Variants in CLIC5 observed in about 807,000 individuals in gnomAD.
The protein encoded by CLIC5 is chloride intracellular channel protein 5.
A neutral mutation model predicts 24.7 loss-of-function variants in CLIC5; 20 were observed. The ratio of observed to expected loss-of-function variants is 0.81; its 90% CI spans 0.57 to 1.18. CLIC5 has a LOEUF of 1.18. Ranked by LOEUF, CLIC5 falls within the 50% of genes most tolerant of loss-of-function variation. CLIC5 has a pLI of 0.00. For missense variants in CLIC5, 341 were observed against 326.1 expected, an observed-to-expected ratio of 1.05 and a Z score of -0.35; for synonymous variants, 159 against 135.6, an observed-to-expected ratio of 1.17 and a Z score of -1.20.
the CLIC5 span, among the ~76,000 whole-genome samples, chr6:46,101,720 C>T: frequency 6.6e-6 from 1 of 152,180 alleles, no homozygotes; most frequent in African/African-American, 2.4e-5. Context: ...GGAGTGACTG[C>T]ATTTTGGTTT....
chr6:45,975,360 C>G (rs527792882), intron 1 of CLIC5, among the ~76,000 whole-genome samples: 1 of 152,266 alleles, frequency 6.6e-6, no homozygotes, highest in East Asian at 1.9e-4. Context: ...ACTTAGGTGC[C>G]AAGGAGTAAC....
At chr6:46,015,384 C>G in intron 1 of CLIC5, 96 bp downstream of exon 1, 16 of 1,293,138 alleles carry the variant, frequency 1.2e-5, no homozygotes, top group Non-Finnish European at 1.6e-5. Flanking sequence ...GCGCCGCCCT[C>G]CTGGGAGGGT....
At chr6:45,986,310 A>G (rs760925051) in intron 1 of CLIC5, among the ~76,000 whole-genome samples, 17 of 152,162 alleles carry the variant, frequency 1.1e-4, no homozygotes, top group Non-Finnish European at 1.9e-4. Flanking sequence ...AATCCTTGGT[A>G]CCATTGAATA....
intron 4 of CLIC5, 46 bp downstream of exon 4, chr6:45,941,501 C>A (rs1561951003): frequency 7.1e-7 from 1 of 1,403,110 alleles, no homozygotes; most frequent in Admixed American, 1.7e-5. Context: ...CCTTGGGCAG[C>A]AGATAGACCA....
intron 1 of CLIC5, among the ~76,000 whole-genome samples, chr6:45,956,144 T>A (rs1486372027): frequency 1.3e-5 from 2 of 152,218 alleles, no homozygotes; most frequent in Admixed American, 1.3e-4. Context: ...CCATCTTTAC[T>A]GCACTTCTGA....
Position 45,948,400 on chromosome 6 carries a change from G to C in CLIC5, c.299+856C>G, listed in dbSNP as rs559884183. Among the ~76,000 whole-genome samples the C allele has an allele frequency of 7.9e-5, 12 of 152,180 alleles. No homozygotes were observed. The East Asian group carries it at 2.3e-3, about 29-fold the overall frequency. ...CTATCTCCAGCTTCATGGTCCTCTA[G>C]GATACCGACTTCCCTCAACCTCTAA... is the stretch of plus-strand genomic sequence containing the variant. On this transcript the variant is annotated intron_variant, in intron 3 of 5. Coordinates refer to ENST00000339561, the MANE Select transcript of CLIC5 (RefSeq NM_016929.5).
At chr6:45,907,703 A>G (rs2127299043) in intron 5 of CLIC5, among the ~76,000 whole-genome samples, 1 of 152,204 alleles carries the variant, frequency 6.6e-6, no homozygotes, top group Non-Finnish European at 1.5e-5. Flanking sequence ...TCAATTTCAT[A>G]ACTCAATTAG....
chr6:45,934,036 G>A (rs1210059815), intron 4 of CLIC5, among the ~76,000 whole-genome samples: 1 of 152,184 alleles, frequency 6.6e-6, no homozygotes, highest in Non-Finnish European at 1.5e-5. Flanking sequence ...CGTGCCTGCG[G>A]CTCACAGCAG....
Position 45,963,571 on chromosome 6 carries a change from AC to A in CLIC5, c.64-8328del, listed in dbSNP as rs35004132. Among the ~76,000 whole-genome samples, 12 of 152,036 alleles carry A rather than the reference AC, an allele frequency of 7.9e-5. No homozygotes were observed. In the East Asian group the frequency reaches 1.6e-3, roughly 20 times the overall value. On this transcript the variant is annotated intron_variant, in intron 1 of 5. Coordinates refer to ENST00000339561, the MANE Select transcript of CLIC5 (RefSeq NM_016929.5). ...ATGCTTGGTGCTCTTTGGAGAACTT[AC>A]CTTGAGAACATGACTGTCCTTCCCA...
At chr6:46,005,244 T>C (rs1766508549) in intron 1 of CLIC5, among the ~76,000 whole-genome samples, 1 of 152,254 alleles carries the variant, frequency 6.6e-6, no homozygotes, top group African/African-American at 2.4e-5. Flanking sequence ...CTTCCCCTTT[T>C]GTGTTATTTC....
chr6:45,955,184 G>A lies in CLIC5; in HGVS notation c.124C>T (p.Leu42Phe). ...TTGAACACGACTCCTTTCAGCCAGA[G>A]GATCATGAAGAGGCGCTGAGAGAAA... ...CPFSQRLFMI[L>F]WLKGVVFNVT... Residue 42 changes from leucine (L) to phenylalanine (F), a missense_variant, in exon 2 of 6, where the codon CTC becomes TTC. Transcript: ENST00000339561. 1 of 1,614,070 alleles carries A rather than the reference G, an allele frequency of 6.2e-7. No individual in the cohort carries two copies. The highest frequency in any genetic ancestry group is 8.5e-7 in the Non-Finnish European group (1 of 1,179,932).
chr6:46,082,473 A>G (rs1762945254), upstream of CLIC5, among the ~76,000 whole-genome samples: 1 of 152,212 alleles, frequency 6.6e-6, no homozygotes, highest in African/African-American at 2.4e-5. Flanking sequence ...AAGTCCTTAC[A>G]ACGGCCCACA....
intron 4 of CLIC5, among the ~76,000 whole-genome samples, chr6:45,935,025 A>C (rs186833153): frequency 7.3e-4 from 111 of 152,370 alleles, no homozygotes; most frequent in Admixed American, 1.5e-3. Flanking sequence ...TGGAAAATAA[A>C]GTGAAATATA....
At chr6:46,008,282 G>T (rs1285906024) in intron 1 of CLIC5, among the ~76,000 whole-genome samples, 1 of 152,092 alleles carries the variant, frequency 6.6e-6, no homozygotes, top group African/African-American at 2.4e-5. Context: ...CATAAGCCCT[G>T]AGCATCCCCA....
chr6:46,097,013 T>C, the CLIC5 span: 1 of 152,370 alleles, frequency 6.6e-6, no homozygotes, highest in Non-Finnish European at 1.5e-5. Flanking sequence ...TACATAGGTC[T>C]ATGCATTTGT....
chr6:45,925,043 A>G (rs1180091689), intron 4 of CLIC5, among the ~76,000 whole-genome samples: 1 of 152,212 alleles, frequency 6.6e-6, no homozygotes, highest in Non-Finnish European at 1.5e-5. Flanking sequence ...GCAGCAGCTC[A>G]ATTCTCGACT....
At chr6:46,053,405 G>A (rs1327847648) in intron 1 of CLIC5, among the ~76,000 whole-genome samples, 1 of 152,208 alleles carries the variant, frequency 6.6e-6, no homozygotes, top group Non-Finnish European at 1.5e-5. Context: ...GCAGAACGGA[G>A]TGAGGAATTG....
At chr6:46,041,840 GCAGAGTGCCTGA>G (rs1692740514) in intron 1 of CLIC5, among the ~76,000 whole-genome samples, 1 of 152,142 alleles carries the variant, frequency 6.6e-6, no homozygotes, top group African/African-American at 2.4e-5. Flanking sequence ...GTAAGATATG[GCAGAGTGCCTGA>G]CACAGAGTTA....
Position 45,902,031 on chromosome 6 carries a change from C to T in CLIC5, c.*1057G>A, listed in dbSNP as rs1762523768. 1 of 152,660 alleles carries T rather than the reference C, an allele frequency of 6.6e-6. No individual in the cohort carries two copies. The highest frequency in any genetic ancestry group is 2.4e-5 in the African/African-American group (1 of 41,444). 9.5% of individuals were successfully genotyped at this position (152,660 alleles called of 1,614,324 possible). On this transcript the variant is annotated 3_prime_UTR_variant, in exon 6 of 6. Transcript: ENST00000339561. ...AAGCAGCTTGGAGAAACTGGGAAGA[C>T]ATTTTTGACCCATTCTTGGGTTTTT... is the stretch of plus-strand genomic sequence containing the variant.
Sources: allele counts gnomAD v4.1 joint callset (sites outside exome capture counted in the v4.1 genomes callset), GRCh38; gene constraint gnomAD v4.1.1; transcripts MANE v1.5; gene names NCBI Gene and HGNC (gene_info 2026-07-23, HGNC 2026-07-21).